The following NSUN6 variants were observed in gnomAD, a reference collection of about 807,000 sequenced individuals.
NSUN6 encodes the protein NOP2/Sun RNA methyltransferase 6, also known as tRNA (cytosine(72)-C(5))-methyltransferase NSUN6.
In NSUN6, 64 loss-of-function variants were observed where a neutral mutation model predicts 58.0. The ratio of observed to expected loss-of-function variants is 1.10; its 90% CI spans 0.90 to 1.36. The LOEUF (loss-of-function observed/expected upper bound fraction) is 1.36, where lower values mean the gene tolerates loss of function less well. NSUN6 is among the 40% of genes most tolerant of loss of function. NSUN6 has a pLI of 0.00. For missense variants in NSUN6, 701 were observed against 550.1 expected, an observed-to-expected ratio of 1.27 and a Z score of -2.74; for synonymous variants, 231 against 193.9, an observed-to-expected ratio of 1.19 and a Z score of -1.59.
intron 8 of NSUN6, among the ~76,000 whole-genome samples, chr10:18,578,151 G>A (rs2056744824): frequency 6.6e-6 from 1 of 151,784 alleles, no homozygotes; most frequent in Non-Finnish European, 1.5e-5. Context: ...GCCCTGCTCT[G>A]AGTCCTGAGT....
At chr10:18,638,345 G>C (rs953143065) in intron 3 of NSUN6, among the ~76,000 whole-genome samples, 1 of 152,114 alleles carries the variant, frequency 6.6e-6, no homozygotes, top group African/African-American at 2.4e-5. Flanking sequence ...GGGAGCATGA[G>C]GCAGGAGAAT....
At chr10:18,639,326 C>T (rs1254929551) in intron 3 of NSUN6, among the ~76,000 whole-genome samples, 2 of 152,036 alleles carry the variant, frequency 1.3e-5, no homozygotes, top group Admixed American at 1.3e-4. Flanking sequence ...AACACAGTCT[C>T]TACTAAAAAT....
At chr10:18,614,206 A>C (rs1236508787) in intron 5 of NSUN6, among the ~76,000 whole-genome samples, 1 of 152,158 alleles carries the variant, frequency 6.6e-6, no homozygotes, top group Non-Finnish European at 1.5e-5. Flanking sequence ...TGAAAAAAAT[A>C]AAATTCAGAA....
intron 8 of NSUN6, among the ~76,000 whole-genome samples, chr10:18,582,300 G>A (rs747993261): frequency 6.6e-6 from 1 of 152,196 alleles, no homozygotes; most frequent in Non-Finnish European, 1.5e-5. Context: ...ATTCCCGGTT[G>A]TGGAGGCTCT....
intron 8 of NSUN6, among the ~76,000 whole-genome samples, chr10:18,574,380 C>A (rs2056547952): frequency 6.6e-6 from 1 of 152,034 alleles, no homozygotes; most frequent in Non-Finnish European, 1.5e-5. Flanking sequence ...TTAACATAGA[C>A]CACCGAAAAT....
intron 8 of NSUN6, among the ~76,000 whole-genome samples, chr10:18,568,061 T>C (rs1339707093): frequency 6.6e-6 from 1 of 150,514 alleles, no homozygotes; most frequent in East Asian, 2.0e-4. Flanking sequence ...ATTCTCCATT[T>C]TCCGTTCCAT....
Position 18,551,914 on chromosome 10 carries a change from C to G in NSUN6, c.980G>C (p.Ser327Thr). The G allele has an allele frequency of 6.2e-7, 1 of 1,610,930 alleles. No individual in the cohort carries two copies. Residue 327 changes from serine (S) to threonine (T), a missense_variant, in exon 9 of 11, where the codon AGT becomes ACT. By Grantham distance (58) the Ser-to-Thr change is moderately conservative (BLOSUM62 1). Coordinates refer to ENST00000377304, the MANE Select transcript of NSUN6 (RefSeq NM_182543.5). ...FDRILLDAPC[S>T]GMGQRPNMAC... ...CATGTTTGGTCTCTGTCCCATTCCA[C>G]TACAGGGTGCATCCAGAAGAATTCG...
chr10:18,652,970 A>G, upstream of NSUN6: 6 of 984,964 alleles, frequency 6.1e-6, no homozygotes, highest in Non-Finnish European at 7.2e-6. Flanking sequence ...TCTAGAGCCA[A>G]TACCTTGTCC....
chr10:18,548,293 T>C (rs1342364093), intron 9 of NSUN6, 56 bp from the exon 10 acceptor site: 6 of 1,497,998 alleles, frequency 4.0e-6, no homozygotes, highest in Non-Finnish European at 4.5e-6. Context: ...AACATATGAA[T>C]GAATTTCAAA....
At chr10:18,600,959 T>TATATATATACAC in intron 6 of NSUN6, among the ~76,000 whole-genome samples, 1 of 64,922 alleles carries the variant, frequency 1.5e-5, no homozygotes, top group Non-Finnish European at 3.1e-5. Flanking sequence ...TATATATATA[T>TATATATATACAC]ACATATATAT....
rs780875017 is a variant in NSUN6 at position 18,616,247 on chromosome 10, A to C, written c.358T>G (p.Cys120Gly). 1.7e-5 allele frequency: 28 copies of C among 1,611,812 alleles called. No individual in the cohort carries two copies. The highest frequency in any genetic ancestry group is 2.2e-5 in the Non-Finnish European group (26 of 1,178,042). Residue 120 changes from cysteine to glycine, a missense_variant, in exon 4 of 11, where the codon TGT becomes GGT. Physicochemically the swap from Cys to Gly is radical, Grantham distance 159 (BLOSUM62 -3). Transcript: ENST00000377304. ...QQCEAIVGAQ[C>G]GNAVLRGAHV... ...GCTCCTCTTAAAACTGCATTGCCAC[A>C]CTGGGCTCCAACAATGGCTTCACAC...
At chr10:18,647,922 AG>A (rs1182279809) in intron 2 of NSUN6, among the ~76,000 whole-genome samples, 2 of 152,026 alleles carry the variant, frequency 1.3e-5, no homozygotes, top group African/African-American at 4.8e-5. Context: ...ATGTTTTAGT[AG>A]AGACAGGGTT....
At chr10:18,552,913 C>T (rs2133418915) in intron 8 of NSUN6, among the ~76,000 whole-genome samples, 1 of 137,624 alleles carries the variant, frequency 7.3e-6, no homozygotes, top group Non-Finnish European at 1.7e-5. Context: ...CATTCCATTC[C>T]ACTACACTCG....
At chr10:18,647,717 A>ACCGCTCC (rs1564849044) in intron 2 of NSUN6, among the ~76,000 whole-genome samples, 1 of 142,858 alleles carries the variant, frequency 7.0e-6, no homozygotes, top group African/African-American at 2.6e-5. Flanking sequence ...TAAGGCGCTC[A>ACCGCTCC]ACACCTTGTT....
intron 3 of NSUN6, among the ~76,000 whole-genome samples, chr10:18,642,180 T>C (rs1342961042): frequency 6.6e-6 from 1 of 151,040 alleles, no homozygotes; most frequent in East Asian, 2.0e-4. Flanking sequence ...TCATATGAAA[T>C]ACAAGTAAAC....
intron 1 of NSUN6, among the ~76,000 whole-genome samples, chr10:18,650,888 C>A (rs1382512083): frequency 6.6e-6 from 1 of 152,240 alleles, no homozygotes; most frequent in African/African-American, 2.4e-5. Context: ...CCATGCCTGA[C>A]AGGCACATGC....
At chr10:18,572,543 TTCCATTCCATTCCATTC>T (rs2056429944) in intron 8 of NSUN6, among the ~76,000 whole-genome samples, 1 of 95,066 alleles carries the variant, frequency 1.1e-5, no homozygotes, top group African/African-American at 4.2e-5. Context: ...CCATTCCATT[TTCCATTCCATTCCATTC>T]TCCATTCCTT....
intron 3 of NSUN6, among the ~76,000 whole-genome samples, chr10:18,625,610 G>A (rs374808510): frequency 3.2e-4 from 48 of 151,588 alleles, no homozygotes; most frequent in African/African-American, 1.1e-3. Flanking sequence ...CTACTCCGGA[G>A]GGTGAGGCAG....
At chr10:18,581,698 C>A (rs561101855) in intron 8 of NSUN6, among the ~76,000 whole-genome samples, 1 of 151,916 alleles carries the variant, frequency 6.6e-6, no homozygotes, top group East Asian at 1.9e-4. Flanking sequence ...CGGTGGCATG[C>A]GCCTGTAGTC....
Sources: gnomAD v4.1 joint callset for allele counts (sites outside exome capture counted in the v4.1 genomes callset) on GRCh38, gnomAD v4.1.1 for gene constraint, MANE v1.5 for transcripts, NCBI Gene and HGNC (gene_info 2026-07-23, HGNC 2026-07-21) for gene names.